Variants in ALPL observed in about 807,000 individuals in gnomAD.
ALPL encodes alkaline phosphatase, tissue-nonspecific isozyme.
Under a neutral mutation model 51.3 loss-of-function variants are expected in ALPL, and 42 were observed. That is an observed-to-expected ratio of 0.82 (90% CI 0.64 to 1.06). The LOEUF (loss-of-function observed/expected upper bound fraction) is 1.06. ALPL is among the 50% of genes least tolerant of loss of function. The pLI, the probability that ALPL is intolerant of heterozygous loss-of-function variation, is 0.00. For missense variants in ALPL, 589 were observed against 709.4 expected (o/e 0.83, Z 1.93); for synonymous variants, 279 against 296.4 (o/e 0.94, Z 0.60).
Position 21,523,212 on chromosome 1 carries a change from T to G in ALPL, c.-105+13695T>G, listed in dbSNP as rs534583211. Reference sequence around the variant, plus strand: ...TACTCAGGAGGATGAGACAGGAGAATCACTTGAACCCGGGAGGCGGAGGTT... The same window carrying G: ...TACTCAGGAGGATGAGACAGGAGAAGCACTTGAACCCGGGAGGCGGAGGTT... On this transcript the variant is annotated intron_variant, in intron 1 of 11. Transcript: ENST00000374840. Among the ~76,000 whole-genome samples, 43 of 152,212 alleles carry G rather than the reference T, an allele frequency of 2.8e-4. No individual in the cohort carries two copies. In the South Asian group the frequency reaches 8.7e-3, roughly 31 times the overall value.
At chr1:21,540,389 C>T (rs923672901) in intron 1 of ALPL, among the ~76,000 whole-genome samples, 4 of 152,172 alleles carry the variant, frequency 2.6e-5, no homozygotes, top group African/African-American at 4.8e-5. Context: ...GCATCATGAC[C>T]GTCCTGGAGC....
At chr1:21,517,077 A>G (rs576599153) in intron 1 of ALPL, among the ~76,000 whole-genome samples, 4 of 152,302 alleles carry the variant, frequency 2.6e-5, no homozygotes, top group Admixed American at 1.3e-4. Flanking sequence ...TCTCATGTCA[A>G]TTTCTTGGCT....
intron 1 of ALPL, among the ~76,000 whole-genome samples, chr1:21,514,418 A>G (rs926442945): frequency 6.6e-6 from 1 of 152,130 alleles, no homozygotes; most frequent in South Asian, 2.1e-4. Flanking sequence ...GTGCATAACC[A>G]CTTCTCAGAC....
intron 1 of ALPL, among the ~76,000 whole-genome samples, chr1:21,536,637 G>T (rs1024643773): frequency 6.6e-6 from 1 of 152,068 alleles, no homozygotes; most frequent in Non-Finnish European, 1.5e-5. Context: ...TCATAACCCA[G>T]CAAGCAGACA....
chr1:21,526,061 A>G (rs540610123), intron 1 of ALPL, among the ~76,000 whole-genome samples: 1 of 152,354 alleles, frequency 6.6e-6, no homozygotes, highest in South Asian at 2.1e-4. Context: ...CCTAGGTGGT[A>G]GAGGATGAGG....
intron 1 of ALPL, among the ~76,000 whole-genome samples, chr1:21,527,609 G>A (rs1285865307): frequency 6.6e-6 from 1 of 150,790 alleles, no homozygotes; most frequent in Admixed American, 6.6e-5. Flanking sequence ...AAGTGTGGTG[G>A]TGTGATCTTG....
At chr1:21,542,228 G>T (rs566312463) in intron 1 of ALPL, among the ~76,000 whole-genome samples, 15 of 152,014 alleles carry the variant, frequency 9.9e-5, no homozygotes, top group Non-Finnish European at 1.6e-4. Flanking sequence ...AGCTATGCAG[G>T]TGCCCCCCAG....
At chr1:21,541,612 C>T (rs554246420) in intron 1 of ALPL, among the ~76,000 whole-genome samples, 7 of 152,352 alleles carry the variant, frequency 4.6e-5, no homozygotes, top group Admixed American at 1.3e-4. Context: ...GGGTGACAAC[C>T]TATGATTCTC....
chr1:21,552,105 T>TCCCCCCCCCCCCCCC (rs1558542001), intron 1 of ALPL, among the ~76,000 whole-genome samples: 3 of 22,840 alleles, frequency 1.3e-4, no homozygotes, highest in African/African-American at 8.8e-4. Context: ...TCCCTTCCCT[T>TCCCCCCCCCCCCCCC]TCCTCCCCTT....
chr1:21,551,990 G>C (rs970338620), intron 1 of ALPL, among the ~76,000 whole-genome samples: 2 of 150,922 alleles, frequency 1.3e-5, no homozygotes, highest in African/African-American at 4.9e-5. Context: ...CTCCCAAAGT[G>C]CTGGGATTAC....
Position 21,571,714 on chromosome 1 carries a change from G to A in ALPL, c.862+1340G>A, listed in dbSNP as rs186043455. ...ACAAACACGAAAAAACTTAGGCCAG[G>A]TGCAATGGCTCGCGCCTGTAATCCT... On this transcript the variant is annotated intron_variant, in intron 8 of 11. Transcript: ENST00000374840. 6.3e-3 allele frequency among the ~76,000 whole-genome samples: 951 copies of A among 151,596 alleles called. 3 individuals are homozygous for A. The highest frequency in any genetic ancestry group is 0.01 in the Non-Finnish European group (702 of 67,928).
At chr1:21,573,444 AAAAAG>A (rs1223258070) in intron 8 of ALPL, among the ~76,000 whole-genome samples, 3 of 143,904 alleles carry the variant, frequency 2.1e-5, no homozygotes, top group Admixed American at 7.0e-5. Flanking sequence ...CTCAAAAAAA[AAAAAG>A]AAAAGAAAAG....
intron 2 of ALPL, among the ~76,000 whole-genome samples, chr1:21,558,874 G>A (rs754123743): frequency 7.2e-5 from 11 of 152,210 alleles, no homozygotes; most frequent in Non-Finnish European, 1.6e-4. Flanking sequence ...CCACGGCGAC[G>A]CGTGAGTTTC....
intron 1 of ALPL, among the ~76,000 whole-genome samples, chr1:21,539,709 C>T (rs1570222639): frequency 6.7e-6 from 1 of 148,996 alleles, no homozygotes; most frequent in East Asian, 2.0e-4. Context: ...GGCTGGAGTG[C>T]AGTGGCACGA....
At chr1:21,567,004 C>T (rs991784078) in intron 6 of ALPL, among the ~76,000 whole-genome samples, 1 of 152,180 alleles carries the variant, frequency 6.6e-6, no homozygotes, top group African/African-American at 2.4e-5. Context: ...CTTCAAAGCT[C>T]ACGGCCATGA....
chr1:21,536,798 G>T (rs115817391), intron 1 of ALPL, among the ~76,000 whole-genome samples: 8 of 151,820 alleles, frequency 5.3e-5, no homozygotes, highest in Non-Finnish European at 1.0e-4. Flanking sequence ...GGCCAAAAAT[G>T]ACAGTAGATG....
At chr1:21,545,342 G>C (rs1291983593) in intron 1 of ALPL, among the ~76,000 whole-genome samples, 1 of 152,034 alleles carries the variant, frequency 6.6e-6, no homozygotes, top group Non-Finnish European at 1.5e-5. Flanking sequence ...CCAGGCTGGA[G>C]TACAGCATTG....
chr1:21,509,202 C>T (rs1570143569), upstream of ALPL, among the ~76,000 whole-genome samples: 1 of 151,946 alleles, frequency 6.6e-6, no homozygotes, highest in East Asian at 2.0e-4. The surrounding 1 kb of genome is among the most constrained non-coding windows in gnomAD (Gnocchi z 6.0). Flanking sequence ...CGAGGGACGC[C>T]AGGGCCGCGT....
At chr1:21,519,432 C>A (rs931445160) in intron 1 of ALPL, among the ~76,000 whole-genome samples, 1 of 152,358 alleles carries the variant, frequency 6.6e-6, no homozygotes, top group Middle Eastern at 3.4e-3. Flanking sequence ...AGTGCTTTAC[C>A]ATCGGCAGAG....
Sources: allele counts gnomAD v4.1 joint callset (sites outside exome capture counted in the v4.1 genomes callset), GRCh38; gene constraint gnomAD v4.1.1; non-coding constraint Gnocchi (gnomAD v3.1); transcripts MANE v1.5; gene names NCBI Gene and HGNC (gene_info 2026-07-23, HGNC 2026-07-21).